EPB41L5: variants seen among roughly 807,000 people sequenced by gnomAD.
The protein encoded by EPB41L5 is erythrocyte membrane protein band 4.1 like 5, also known as band 4.1-like protein 5.
In EPB41L5, 55 loss-of-function variants were observed where a neutral mutation model predicts 106.6. That is an observed-to-expected ratio of 0.52 (90% CI 0.42 to 0.65). The LOEUF is 0.65. Ranked by LOEUF, EPB41L5 falls within the 30% of genes least tolerant of loss-of-function variation. The pLI, the probability that EPB41L5 is intolerant of heterozygous loss-of-function variation, is 0.00. For missense variants in EPB41L5, 871 were observed against 882.1 expected (o/e 0.99, Z 0.16); for synonymous variants, 297 against 306.7 (o/e 0.97, Z 0.33).
At chr2:120,086,005 G>A (rs543418469) in intron 10 of EPB41L5, among the ~76,000 whole-genome samples, 1 of 152,240 alleles carries the variant, frequency 6.6e-6, no homozygotes, top group African/African-American at 2.4e-5. Context: ...AGACCAGCCT[G>A]GCCAACATGG....
chr2:120,168,230 AAAGATGTTAACAGGCTT>A (rs1414900289), intron 24 of EPB41L5, among the ~76,000 whole-genome samples: 1 of 152,218 alleles, frequency 6.6e-6, no homozygotes, highest in East Asian at 1.9e-4. Context: ...AGTCTTTGCT[AAAGATGTTAACAGGCTT>A]ATCTTTGTAA....
chr2:120,166,255 C>T (rs1296947043), intron 22 of EPB41L5, among the ~76,000 whole-genome samples: 1 of 152,076 alleles, frequency 6.6e-6, no homozygotes, highest in Non-Finnish European at 1.5e-5. Flanking sequence ...CCAGGTGGTG[C>T]AGATGTGGTC....
intron 10 of EPB41L5, among the ~76,000 whole-genome samples, chr2:120,082,640 C>T (rs1428328903): frequency 1.3e-5 from 2 of 152,114 alleles, no homozygotes; most frequent in Non-Finnish European, 2.9e-5. Context: ...AGGGAAGATT[C>T]CCTCTTTTTC....
At chr2:120,121,935 A>G (rs543421089) in intron 16 of EPB41L5, among the ~76,000 whole-genome samples, 9 of 152,126 alleles carry the variant, frequency 5.9e-5, no homozygotes, top group Non-Finnish European at 8.8e-5. Flanking sequence ...GCCAGTGATG[A>G]TGAGCATTTT....
intron 24 of EPB41L5, 35 bp from the exon 25 acceptor site, chr2:120,174,806 G>C (rs756246927): frequency 5.6e-6 from 9 of 1,603,686 alleles, no homozygotes; most frequent in Non-Finnish European, 7.7e-6. Flanking sequence ...AAACCCCAGG[G>C]GTTCCCTGAG....
At chr2:120,162,372 T>A (rs1687171678) in intron 21 of EPB41L5, among the ~76,000 whole-genome samples, 1 of 152,250 alleles carries the variant, frequency 6.6e-6, no homozygotes, top group African/African-American at 2.4e-5. Flanking sequence ...ACTTACCATT[T>A]GTCTTTTTTA....
intron 3 of EPB41L5, among the ~76,000 whole-genome samples, chr2:120,044,383 T>C (rs1285443218): frequency 6.6e-6 from 1 of 152,192 alleles, no homozygotes; most frequent in African/African-American, 2.4e-5. Flanking sequence ...TGAATTTAAT[T>C]CTAGACTTCT....
intron 2 of EPB41L5, among the ~76,000 whole-genome samples, chr2:120,022,291 G>A (rs1268234923): frequency 2.6e-5 from 4 of 151,950 alleles, no homozygotes; most frequent in South Asian, 2.1e-4. Flanking sequence ...ACATCAACCC[G>A]TCATCTACAT....
intron 3 of EPB41L5, among the ~76,000 whole-genome samples, chr2:120,064,920 T>G (rs1363152082): frequency 6.6e-6 from 1 of 152,162 alleles, no homozygotes; most frequent in Non-Finnish European, 1.5e-5. Context: ...CCCAGACCTT[T>G]CCCAGAAGAA....
chr2:120,123,937 C>A (rs1460142786), intron 16 of EPB41L5, among the ~76,000 whole-genome samples: 1 of 152,080 alleles, frequency 6.6e-6, no homozygotes, highest in Non-Finnish European at 1.5e-5. Flanking sequence ...GGATTACAGG[C>A]GTGAGCCACT....
At chr2:120,036,594 T>G (rs894369253) in intron 2 of EPB41L5, among the ~76,000 whole-genome samples, 1 of 152,198 alleles carries the variant, frequency 6.6e-6, no homozygotes, top group African/African-American at 2.4e-5. Context: ...TGTTAATATC[T>G]TTGTGTATAT....
chr2:120,025,855 AAG>A (rs1678272085), intron 2 of EPB41L5, among the ~76,000 whole-genome samples: 1 of 152,206 alleles, frequency 6.6e-6, no homozygotes, highest in African/African-American at 2.4e-5. Context: ...AATAATAACT[AAG>A]AGGACACACA....
intron 16 of EPB41L5, 87 bp downstream of exon 16, chr2:120,100,901 A>G (rs1223140692): frequency 2.3e-6 from 2 of 880,662 alleles, no homozygotes; most frequent in African/African-American, 3.4e-5. Flanking sequence ...TACTTTAAAT[A>G]TGATTGAAAG....
At chr2:120,034,690 CAAAAA>C (rs986791153) in intron 2 of EPB41L5, among the ~76,000 whole-genome samples, 1 of 146,550 alleles carries the variant, frequency 6.8e-6, no homozygotes, top group African/African-American at 2.5e-5. Context: ...CAAAACAAAA[CAAAAA>C]AAAAACCACA....
intron 3 of EPB41L5, among the ~76,000 whole-genome samples, chr2:120,070,365 G>A (rs987172695): frequency 6.6e-6 from 1 of 152,140 alleles, no homozygotes; most frequent in Non-Finnish European, 1.5e-5. Context: ...AAAAAGCCCA[G>A]GACCAGACAG....
chr2:120,119,792 C>T (rs1685127699), intron 16 of EPB41L5, among the ~76,000 whole-genome samples: 1 of 152,096 alleles, frequency 6.6e-6, no homozygotes, highest in African/African-American at 2.4e-5. Flanking sequence ...AAGTCAATAT[C>T]CACAATTAGC....
At position 120,176,425 on chromosome 2, in the gene EPB41L5, C is replaced by T. The variant is rs186412539; in HGVS notation, c.*1518C>T. 27 of 152,332 alleles carry T rather than the reference C, an allele frequency of 1.8e-4. No homozygotes were observed. Among genetic ancestry groups the T allele is most frequent in the Admixed American group, 8.5e-4 (13 of 15,304 alleles). The allele number at this position is 152,332 out of a possible 1,614,324, so 9.4% of individuals were successfully genotyped here. A position where few individuals can be genotyped will look rare whatever the true frequency, so the allele number is the denominator to read the frequency against. On this transcript the variant is annotated 3_prime_UTR_variant, in exon 25 of 25. Transcript: ENST00000263713. ...TTTCCTGGGCTCCTTATAACATAATCGTGTGTCCAGGCAAACGCACACTAG... is the reference window on the plus strand; with the variant it reads ...TTTCCTGGGCTCCTTATAACATAATTGTGTGTCCAGGCAAACGCACACTAG...
intron 3 of EPB41L5, among the ~76,000 whole-genome samples, chr2:120,066,070 T>C (rs1017435287): frequency 6.6e-6 from 1 of 151,648 alleles, no homozygotes; most frequent in African/African-American, 2.4e-5. Flanking sequence ...GCCTGTGTTA[T>C]GGGGTGTGGG....
intron 3 of EPB41L5, among the ~76,000 whole-genome samples, chr2:120,053,306 A>G (rs1680413228): frequency 6.6e-6 from 1 of 152,226 alleles, no homozygotes; most frequent in Admixed American, 6.5e-5. Flanking sequence ...GGTTTTAGTT[A>G]GCATGACGAT....
Sources: gnomAD v4.1 joint callset for allele counts (sites outside exome capture counted in the v4.1 genomes callset) on GRCh38, gnomAD v4.1.1 for gene constraint, MANE v1.5 for transcripts, NCBI Gene and HGNC (gene_info 2026-07-23, HGNC 2026-07-21) for gene names.